Variants in NRG3 observed in about 807,000 individuals in gnomAD.
The protein encoded by NRG3 is pro-neuregulin-3, membrane-bound isoform.
In NRG3, 31 loss-of-function variants were observed where a neutral mutation model predicts 66.9. The ratio of observed to expected loss-of-function variants is 0.46; its 90% CI spans 0.35 to 0.63. NRG3 has a LOEUF of 0.63. NRG3 is among the 20% of genes least tolerant of loss of function. NRG3 has a pLI of 0.00. For synonymous variants in NRG3, 393 were observed against 359.4 expected (o/e 1.09, Z -1.06); for missense variants, 910 against 878.9 (o/e 1.04, Z -0.45).
intron 4 of NRG3, among the ~76,000 whole-genome samples, chr10:82,883,352 C>T (rs1842459266): frequency 6.6e-6 from 1 of 152,080 alleles, no homozygotes; most frequent in Non-Finnish European, 1.5e-5. Flanking sequence ...GAACCTGTCC[C>T]TTTTAGCTGA....
intron 2 of NRG3, among the ~76,000 whole-genome samples, chr10:82,686,753 G>C (rs956083229): frequency 2.0e-5 from 3 of 152,224 alleles, no homozygotes; most frequent in Non-Finnish European, 4.4e-5. Context: ...CTAAGTCCCA[G>C]TAGCCCTCCG....
intron 1 of NRG3, among the ~76,000 whole-genome samples, chr10:81,979,743 G>C (rs1292807026): frequency 6.6e-6 from 1 of 152,150 alleles, no homozygotes; most frequent in Admixed American, 6.5e-5. Flanking sequence ...ATTTGCAACT[G>C]CATTACGGAT....
At chr10:82,185,427 A>G (rs2073743320) in intron 1 of NRG3, among the ~76,000 whole-genome samples, 2 of 152,182 alleles carry the variant, frequency 1.3e-5, no homozygotes, top group Admixed American at 1.3e-4. Flanking sequence ...GGGTCAAATT[A>G]AAGCTTATTT....
intron 2 of NRG3, among the ~76,000 whole-genome samples, chr10:82,724,534 A>C (rs140128681): frequency 8.8e-4 from 134 of 152,348 alleles, no homozygotes; most frequent in African/African-American, 2.6e-3. Context: ...TGGCAACTCT[A>C]GGGGTTTCTA....
rs1234552802 is a variant in NRG3 at position 82,132,508 on chromosome 10, A to T, written c.824-226231A>T. On this transcript the variant is annotated intron_variant, in intron 1 of 8. Coordinates refer to ENST00000372141, the MANE Select transcript of NRG3 (RefSeq NM_001010848.4). ...TATATATATGATATATATATATCAT[A>T]TATATATGATATATATGATATATAT... 5.8e-3 allele frequency among the ~76,000 whole-genome samples: 217 copies of T among 37,600 alleles called. 57 individuals carry two copies. Among genetic ancestry groups the T allele is most frequent in the Non-Finnish European group, 7.9e-3 (166 of 21,036 alleles). The allele number at this position is 37,600 out of a possible 152,430, so 24.7% of individuals were successfully genotyped here.
intron 3 of NRG3, among the ~76,000 whole-genome samples, chr10:82,847,107 C>T (rs1025612327): frequency 1.3e-5 from 2 of 152,162 alleles, no homozygotes; most frequent in Non-Finnish European, 1.5e-5. Context: ...ATGCAGCTGC[C>T]TTCGAATTGC....
At chr10:81,914,181 A>G (rs1564653135) in intron 1 of NRG3, among the ~76,000 whole-genome samples, 2 of 152,224 alleles carry the variant, frequency 1.3e-5, no homozygotes, top group African/African-American at 4.8e-5. Flanking sequence ...TATTTTTACA[A>G]TGAACACGTA....
At chr10:82,557,398 C>A (rs138707267) in intron 2 of NRG3, among the ~76,000 whole-genome samples, 31 of 151,856 alleles carry the variant, frequency 2.0e-4, no homozygotes, top group African/African-American at 6.8e-4. Flanking sequence ...TGATATTGAG[C>A]TTTTTTTTCA....
intron 1 of NRG3, among the ~76,000 whole-genome samples, chr10:82,046,876 G>A (rs1394554377): frequency 5.0e-5 from 7 of 140,466 alleles, no homozygotes; most frequent in Admixed American, 7.8e-5. Context: ...TACATTTATC[G>A]ATTTGTGTAT....
chr10:81,931,901 T>A (rs1000805659), intron 1 of NRG3, among the ~76,000 whole-genome samples: 4 of 152,034 alleles, frequency 2.6e-5, no homozygotes, highest in Non-Finnish European at 5.9e-5. Flanking sequence ...TGCCATTACA[T>A]CTCCCATTAA....
At chr10:82,738,525 T>G in intron 2 of NRG3, 52 bp from the exon 3 acceptor site, 1 of 1,414,796 alleles carries the variant, frequency 7.1e-7, no homozygotes, top group Non-Finnish European at 1.0e-6. Flanking sequence ...GTTGAAATCT[T>G]AAGTCTTTCA....
chr10:82,415,806 A>G (rs968633313), intron 2 of NRG3, among the ~76,000 whole-genome samples: 1 of 152,186 alleles, frequency 6.6e-6, no homozygotes, highest in Non-Finnish European at 1.5e-5. Context: ...CTAATCATAA[A>G]TAACAAAATG....
At chr10:82,581,169 A>G (rs1466555892) in intron 2 of NRG3, among the ~76,000 whole-genome samples, 1 of 151,832 alleles carries the variant, frequency 6.6e-6, no homozygotes, top group Non-Finnish European at 1.5e-5. Context: ...TCATTTTGCA[A>G]TTCACTAATG....
At chr10:82,211,928 A>G (rs2075413919) in intron 1 of NRG3, among the ~76,000 whole-genome samples, 1 of 152,126 alleles carries the variant, frequency 6.6e-6, no homozygotes, top group South Asian at 2.1e-4. Flanking sequence ...ACAGCCTCTG[A>G]AAGGCTTGTC....
chr10:81,936,812 G>A (rs1401485374), intron 1 of NRG3, among the ~76,000 whole-genome samples: 1 of 152,002 alleles, frequency 6.6e-6, no homozygotes, highest in African/African-American at 2.4e-5. Context: ...GATGAGGGGA[G>A]GGGAAGCCAT....
intron 2 of NRG3, among the ~76,000 whole-genome samples, chr10:82,408,089 A>AAGAC (rs2087722054): frequency 1.8e-5 from 1 of 54,874 alleles, no homozygotes; most frequent in South Asian, 5.5e-4. Flanking sequence ...GAGAGACAGA[A>AAGAC]AGAAAGAAAG....
At chr10:81,952,057 G>A (rs1177838118) in intron 1 of NRG3, among the ~76,000 whole-genome samples, 1 of 151,756 alleles carries the variant, frequency 6.6e-6, no homozygotes, top group Non-Finnish European at 1.5e-5. Flanking sequence ...TCCCTCACAG[G>A]TGGGAATTGA....
intron 2 of NRG3, among the ~76,000 whole-genome samples, chr10:82,485,110 G>A (rs1008741589): frequency 1.3e-5 from 2 of 152,088 alleles, no homozygotes; most frequent in Non-Finnish European, 2.9e-5. Context: ...AGCACGGTTA[G>A]ACATTGTCTC....
chr10:82,093,038 G>A (rs1310235262), intron 1 of NRG3, among the ~76,000 whole-genome samples: 2 of 152,180 alleles, frequency 1.3e-5, no homozygotes, highest in African/African-American at 4.8e-5. Context: ...GCTTGCAAGT[G>A]AGATAAAGCC....
Sources: allele counts gnomAD v4.1 joint callset (sites outside exome capture counted in the v4.1 genomes callset), GRCh38; gene constraint gnomAD v4.1.1; transcripts MANE v1.5; gene names NCBI Gene and HGNC (gene_info 2026-07-23, HGNC 2026-07-21).